Variants in PLRG1 observed in about 807,000 individuals in gnomAD.
PLRG1 encodes pleiotropic regulator 1.
PLRG1 carries 28 observed loss-of-function variants against 74.9 expected under a neutral mutation model. That is an observed-to-expected ratio of 0.37 (90% CI 0.28 to 0.51). The LOEUF is 0.51. Ranked by LOEUF, PLRG1 falls within the 20% of genes least tolerant of loss-of-function variation. The probability of loss-of-function intolerance (pLI) is 0.91; values close to 1 mark genes in which losing one functional copy is unlikely to be tolerated. For missense variants in PLRG1, 445 were observed against 631.9 expected, an observed-to-expected ratio of 0.70 and a Z score of 3.17; for synonymous variants, 197 against 212.4, an observed-to-expected ratio of 0.93 and a Z score of 0.63.
Position 154,546,895 on chromosome 4 carries a change from C to T in PLRG1, c.313+116G>A, listed in dbSNP as rs111237734. 160 of 789,070 alleles carry T rather than the reference C, an allele frequency of 2.0e-4. No homozygotes were observed. In the African/African-American group the frequency reaches 2.3e-3, roughly 11 times the overall value. 48.9% of individuals were successfully genotyped at this position (789,070 alleles called of 1,614,324 possible). On this transcript the variant is annotated intron_variant, in intron 4 of 14. Coordinates refer to ENST00000499023, the MANE Select transcript of PLRG1 (RefSeq NM_002669.4). ...TTACCTACAAAGCTATGCATGGATG[C>T]TTGGCTACTGAGCTTATCTTGCATT...
At position 154,547,072 on chromosome 4, in the gene PLRG1, AAC is replaced by A; in HGVS notation, c.260-10_260-9del. On this transcript the variant is annotated splice_polypyrimidine_tract_variant and intron_variant, in intron 3 of 14. Transcript: ENST00000499023. ...AGTATTCAACTTCTTGTCCTAAAAA[AAC>A]ACAAAAAAAATCAACAGTAGTGAAT... 1 of 1,607,722 alleles carries A rather than the reference AAC, an allele frequency of 6.2e-7. No homozygotes were observed. The highest frequency in any genetic ancestry group is 8.5e-7 in the Non-Finnish European group (1 of 1,174,220).
At chr4:154,536,834 C>G in intron 14 of PLRG1, 90 bp from the exon 15 acceptor site, 1 of 707,624 alleles carries the variant, frequency 1.4e-6, no homozygotes, top group South Asian at 1.8e-5. Flanking sequence ...AGGTATCTAA[C>G]ATTATTCATT....
rs1729445470 is a variant in PLRG1, at chr4:154,536,170, CAT to C, written c.*513_*514del. On this transcript the variant is annotated 3_prime_UTR_variant, in exon 15 of 15. Transcript: ENST00000499023. ...AACTGGAAGTCTTAGAGGATAGACA[CAT>C]CTTACTTGTCTATTTCCTGAACAGT... is the stretch of plus-strand genomic sequence containing the variant. The C allele has an allele frequency of 6.5e-6, 1 of 154,048 alleles. No individual in the cohort carries two copies. Among genetic ancestry groups the C allele is most frequent in the East Asian group, 1.9e-4 (1 of 5,296 alleles). 9.5% of individuals were successfully genotyped at this position (154,048 alleles called of 1,614,324 possible). A position where few individuals can be genotyped will look rare whatever the true frequency, so the allele number is the denominator to read the frequency against.
intron 10 of PLRG1, 134 bp from the exon 11 acceptor site, chr4:154,540,187 A>G (rs954100984): frequency 1.6e-6 from 1 of 615,698 alleles, no homozygotes. Context: ...TGCTTAAGTG[A>G]AAGATAATGA....
In PLRG1 at chr4:154,536,594, G is replaced by T; in HGVS notation, c.*91C>A. On this transcript the variant is annotated 3_prime_UTR_variant, in exon 15 of 15. Transcript: ENST00000499023. ...TTTCTCCTTTATATTCCCAGCCAGA[G>T]CACAAAATGACTGGATATCCTCATG... is the stretch of plus-strand genomic sequence containing the variant. 1 of 695,742 alleles carries T rather than the reference G, an allele frequency of 1.4e-6. No homozygotes were observed. Among genetic ancestry groups the T allele is most frequent in the Non-Finnish European group, 2.5e-6 (1 of 396,994 alleles). 43.1% of individuals were successfully genotyped at this position (695,742 alleles called of 1,614,324 possible). A position where few individuals can be genotyped will look rare whatever the true frequency, so the allele number is the denominator to read the frequency against.
At chr4:154,549,878 G>C (rs1729727144) in intron 1 of PLRG1, 1 of 417,712 alleles carries the variant, frequency 2.4e-6, no homozygotes, top group Non-Finnish European at 4.7e-6. Context: ...AAGATGTAAA[G>C]AACGGCAAGT....
chr4:154,536,623 G>A lies in PLRG1; in HGVS notation c.*62C>T, dbSNP rs746337936. 22 of 884,752 alleles carry A rather than the reference G, an allele frequency of 2.5e-5. No homozygotes were observed. The highest frequency in any genetic ancestry group is 3.8e-5 in the Non-Finnish European group (21 of 556,812). The allele number at this position is 884,752 out of a possible 1,614,324, so 54.8% of individuals were successfully genotyped here. ...AAAATGACTGGATATCCTCATGAACGCCAAGCTTTTTTTTTTTTAATTAAA... is the reference window on the plus strand; with the variant it reads ...AAAATGACTGGATATCCTCATGAACACCAAGCTTTTTTTTTTTTAATTAAA... On this transcript the variant is annotated 3_prime_UTR_variant, in exon 15 of 15. Transcript: ENST00000499023.
chr4:154,535,953 G>A lies in PLRG1; in HGVS notation c.*732C>T, dbSNP rs1729440292. On this transcript the variant is annotated 3_prime_UTR_variant, in exon 15 of 15. Transcript: ENST00000499023. ...CAGAACACACCGCACACTTTCTTGT[G>A]CCTGGTTTCATCACTTTATGCCTCA... 6.6e-6 allele frequency: 1 copy of A among 152,248 alleles called. No individual in the cohort carries two copies. The highest frequency in any genetic ancestry group is 6.6e-5 in the Admixed American group (1 of 15,252). 9.4% of individuals were successfully genotyped at this position (152,248 alleles called of 1,614,324 possible).
chr4:154,546,951 C>T (rs1312783248), intron 4 of PLRG1, 60 bp downstream of exon 4: 7 of 1,207,926 alleles, frequency 5.8e-6, no homozygotes, highest in South Asian at 3.6e-5. Context: ...ATTATTGGCT[C>T]GTTAGTGAAA....
chr4:154,550,275 C>G lies in PLRG1; in HGVS notation c.9+25G>C, dbSNP rs755203311. 38 of 1,609,640 alleles carry G rather than the reference C, an allele frequency of 2.4e-5. 1 individual carries two copies. In the African/African-American group the frequency reaches 3.9e-4, roughly 16 times the overall value. On this transcript the variant is annotated intron_variant, in intron 1 of 14. Transcript: ENST00000499023. ...AAAAACAGTCCAGAGACAAACGACT[C>G]TTGAGAGCCCCAGTGTCACTTTACC...
Position 154,539,098 on chromosome 4 carries a change from C to T in PLRG1, c.1151+7G>A. 2.0e-6 allele frequency: 3 copies of T among 1,466,750 alleles called. No homozygotes were observed. The highest frequency in any genetic ancestry group is 2.9e-6 in the Non-Finnish European group (3 of 1,045,728). 90.9% of individuals were successfully genotyped at this position (1,466,750 alleles called of 1,614,324 possible). On this transcript the variant is annotated splice_region_variant and intron_variant, in intron 12 of 14. Transcript: ENST00000499023. ...AAACAAGAAGCTAATTAGGAAAATA[C>T]ACTTACTGTCTTGGATGTAAAACCA... is the stretch of plus-strand genomic sequence containing the variant.
intron 11 of PLRG1, 152 bp from the exon 12 acceptor site, chr4:154,539,365 C>A: frequency 1.8e-6 from 1 of 566,962 alleles, no homozygotes; most frequent in Non-Finnish European, 3.1e-6. Context: ...CTTCATAGTT[C>A]CAAATTTTTA....
In PLRG1 at chr4:154,536,397, A is replaced by G. The variant is rs1421842815; in HGVS notation, c.*288T>C. 1 of 227,342 alleles carries G rather than the reference A, an allele frequency of 4.4e-6. No individual in the cohort carries two copies. The allele number at this position is 227,342 out of a possible 1,614,324, so 14.1% of individuals were successfully genotyped here. The stretch of plus-strand genomic sequence containing the variant: ...TTTTTTTAAAAAAGGGGGTTTTCTA[A>G]TAAGACTGTCAAAATATTACATCTA... On this transcript the variant is annotated 3_prime_UTR_variant, in exon 15 of 15. Transcript: ENST00000499023.
rs754393458 is a variant in PLRG1 at position 154,547,743 on chromosome 4, G to A, written c.227C>T (p.Ser76Leu). The A allele has an allele frequency of 1.2e-6, 2 of 1,613,052 alleles. No homozygotes were observed. The highest frequency in any genetic ancestry group is 2.2e-5 in the South Asian group (2 of 91,052). Residue 76 changes from serine to leucine, a missense_variant, in exon 3 of 15, where the codon TCA becomes TTA. Physicochemically the swap from Ser to Leu is moderately radical, Grantham distance 145 (BLOSUM62 -2). Coordinates refer to ENST00000499023, the MANE Select transcript of PLRG1 (RefSeq NM_002669.4). The stretch of plus-strand genomic sequence containing the variant: ...GGCAGGGTACTGTTTATGAACATAT[G>A]AATCCGTTGCATTCTGAGGACCCTT... ...KEKGPQNATD[S>L]YVHKQYPANQ...
In PLRG1 at chr4:154,546,110, T is replaced by C. The variant is rs1729648016; in HGVS notation, c.404+13A>G. On this transcript the variant is annotated intron_variant, in intron 5 of 14. Coordinates refer to ENST00000499023, the MANE Select transcript of PLRG1 (RefSeq NM_002669.4). ...TATGCTTTTAAGATCTTTGTAATTA[T>C]AATATTTCATACTTGGTCTGCAAAG... 6.9e-7 allele frequency: 1 copy of C among 1,452,198 alleles called. No individual in the cohort carries two copies. The highest frequency in any genetic ancestry group is 2.3e-5 in the East Asian group (1 of 44,126). The allele number at this position is 1,452,198 out of a possible 1,614,324, so 90.0% of individuals were successfully genotyped here.
intron 7 of PLRG1, chr4:154,543,882 G>C (rs1264724190): frequency 1.3e-5 from 2 of 152,166 alleles, no homozygotes; most frequent in Admixed American, 6.5e-5. Flanking sequence ...CAGTAGAAAT[G>C]TATTTATGGA....
rs1012339904 is a variant in PLRG1 at position 154,550,183 on chromosome 4, GCTCC to G, written c.9+113_9+116del. On this transcript the variant is annotated intron_variant, in intron 1 of 14. Coordinates refer to ENST00000499023, the MANE Select transcript of PLRG1 (RefSeq NM_002669.4). ...GAGACCACTCGGCCTTGGCCAAATA[GCTCC>G]CCTCGTAGCCTCTTTTCTCTCTGGA... is the stretch of plus-strand genomic sequence containing the variant. 3.2e-5 allele frequency: 31 copies of G among 980,732 alleles called. No homozygotes were observed. In the African/African-American group the frequency reaches 4.5e-4, roughly 14 times the overall value. The allele number at this position is 980,732 out of a possible 1,614,324, so 60.8% of individuals were successfully genotyped here.
intron 12 of PLRG1, among the ~76,000 whole-genome samples, chr4:154,538,483 G>A (rs796989549): frequency 6.6e-6 from 1 of 151,792 alleles, no homozygotes; most frequent in African/African-American, 2.4e-5. Context: ...AGGAATAGAG[G>A]GCAAGAGGAA....
rs753554475 is a variant in PLRG1 at position 154,536,651 on chromosome 4, G to GA, written c.*33dup. ...AAGCTTTTTTTTTTTTAATTAAAAA[G>GA]AAAAAAAAAGAGAGAGAAAAAATTC... On this transcript the variant is annotated 3_prime_UTR_variant, in exon 15 of 15. Coordinates refer to ENST00000499023, the MANE Select transcript of PLRG1 (RefSeq NM_002669.4). The GA allele has an allele frequency of 9.2e-4, 963 of 1,050,494 alleles. No individual in the cohort carries two copies. The highest frequency in any genetic ancestry group is 1.1e-3 in the Non-Finnish European group (769 of 716,454). The allele number at this position is 1,050,494 out of a possible 1,614,324, so 65.1% of individuals were successfully genotyped here.
Sources: gnomAD v4.1 joint callset for allele counts (sites outside exome capture counted in the v4.1 genomes callset) on GRCh38, gnomAD v4.1.1 for gene constraint, MANE v1.5 for transcripts, NCBI Gene and HGNC (gene_info 2026-07-23, HGNC 2026-07-21) for gene names.